The following GRM5 variants were observed in gnomAD, a reference collection of about 807,000 sequenced individuals.
GRM5 encodes the protein metabotropic glutamate receptor 5.
A neutral mutation model predicts 83.1 loss-of-function variants in GRM5; 19 were observed. The observed-to-expected ratio is 0.23, with a 90% confidence interval of 0.16 to 0.34. The LOEUF (loss-of-function observed/expected upper bound fraction) is 0.34. Among genes scored for constraint, GRM5 ranks in the 10% least tolerant of loss-of-function variants. The probability of loss-of-function intolerance (pLI) is 1.00; values close to 1 mark genes in which losing one functional copy is unlikely to be tolerated. For missense variants in GRM5, 1,160 were observed against 1,588.3 expected (o/e 0.73, Z 4.58); for synonymous variants, 675 against 633.6 (o/e 1.07, Z -0.98).
At position 88,646,353 on chromosome 11, in the gene GRM5, A is replaced by G. The variant is rs1255252941; in HGVS notation, c.1147+6815T>C. ...ATTCGACTTATAATTTAAGTTTTCC[A>G]TAACTGTGCCATTTAAGTAAAACAT... On this transcript the variant is annotated intron_variant, in intron 4 of 9. Transcript: ENST00000305447. Among the ~76,000 whole-genome samples, 7 of 101,202 alleles carry G rather than the reference A, an allele frequency of 6.9e-5. No individual in the cohort carries two copies. The Admixed American group carries it at 7.1e-4, about 10-fold the overall frequency. The allele number at this position is 101,202 out of a possible 152,430, so 66.4% of individuals were successfully genotyped here. A position where few individuals can be genotyped will look rare whatever the true frequency, so the allele number is the denominator to read the frequency against.
chr11:88,583,613 C>T (rs1428505425), intron 7 of GRM5, among the ~76,000 whole-genome samples: 1 of 152,170 alleles, frequency 6.6e-6, no homozygotes. Flanking sequence ...ATCTGGTAAG[C>T]CCCACCTGTA....
intron 2 of GRM5, among the ~76,000 whole-genome samples, chr11:88,896,498 T>A (rs1184572452): frequency 6.6e-6 from 1 of 151,546 alleles, no homozygotes; most frequent in East Asian, 2.0e-4. Context: ...CTATTATCTA[T>A]CTATCTGTCT....
At chr11:88,595,974 T>C (rs987990494) in intron 6 of GRM5, among the ~76,000 whole-genome samples, 1 of 152,204 alleles carries the variant, frequency 6.6e-6, no homozygotes, top group Non-Finnish European at 1.5e-5. Flanking sequence ...ATTCAATCAA[T>C]TCCTAAATCT....
chr11:88,687,574 TATATAATATA>T lies in GRM5; in HGVS notation c.912-34181_912-34172del, dbSNP rs1267096658. On this transcript the variant is annotated intron_variant, in intron 3 of 9. Transcript: ENST00000305447. Reference sequence around the variant, plus strand: ...CACACATATATATTATATATATATATATATAATATATATATATATATATTCTCCACATGTG... The same window carrying T: ...CACACATATATATTATATATATATATTATATATATATATTCTCCACATGTG... Among the ~76,000 whole-genome samples the T allele has an allele frequency of 1.5e-4, 5 of 33,658 alleles. 1 individual carries two copies. The highest frequency in any genetic ancestry group is 1.0e-3 in the African/African-American group (5 of 4,928). 22.1% of individuals were successfully genotyped at this position (33,658 alleles called of 152,430 possible).
At chr11:88,856,123 A>G (rs1207129296) in intron 2 of GRM5, among the ~76,000 whole-genome samples, 1 of 152,094 alleles carries the variant, frequency 6.6e-6, no homozygotes, top group African/African-American at 2.4e-5. Flanking sequence ...TCACAAGGAA[A>G]TTAAGATTCC....
At chr11:88,849,236 AT>A (rs915919260) in intron 3 of GRM5, among the ~76,000 whole-genome samples, 15 of 151,944 alleles carry the variant, frequency 9.9e-5, no homozygotes, top group African/African-American at 3.1e-4. Flanking sequence ...ATATATGCAT[AT>A]TTTTTATTAT....
intron 6 of GRM5, among the ~76,000 whole-genome samples, chr11:88,593,126 G>A (rs1937684738): frequency 6.6e-6 from 1 of 152,084 alleles, no homozygotes; most frequent in Admixed American, 6.5e-5. Flanking sequence ...ACCCAGCGGT[G>A]CTTTCTTTAT....
At chr11:88,698,370 T>A (rs1192050298) in intron 3 of GRM5, among the ~76,000 whole-genome samples, 3 of 152,204 alleles carry the variant, frequency 2.0e-5, no homozygotes, top group African/African-American at 7.2e-5. Flanking sequence ...TTGTTTCCTC[T>A]GCCTGAAATA....
intron 7 of GRM5, among the ~76,000 whole-genome samples, chr11:88,580,750 G>C (rs1412594736): frequency 6.6e-6 from 1 of 152,176 alleles, no homozygotes; most frequent in Non-Finnish European, 1.5e-5. Flanking sequence ...AGTAAGCTTA[G>C]TTCAACAAAT....
At chr11:88,523,562 C>CAA (rs1348679934) in intron 9 of GRM5, among the ~76,000 whole-genome samples, 3 of 152,110 alleles carry the variant, frequency 2.0e-5, no homozygotes, top group Admixed American at 2.0e-4. Flanking sequence ...CACTGAGATC[C>CAA]AAAGATAGCT....
chr11:88,793,473 G>T (rs1943216381), intron 3 of GRM5, among the ~76,000 whole-genome samples: 1 of 152,082 alleles, frequency 6.6e-6, no homozygotes, highest in Admixed American at 6.5e-5. Context: ...GTATCAATCT[G>T]GCATTTAAGA....
intron 9 of GRM5, among the ~76,000 whole-genome samples, chr11:88,513,193 A>C (rs185217983): frequency 6.6e-6 from 1 of 152,228 alleles, no homozygotes; most frequent in African/African-American, 2.4e-5. Context: ...CAGGCATATC[A>C]TAACTCTTTG....
At chr11:88,812,639 G>A (rs1943607431) in intron 3 of GRM5, among the ~76,000 whole-genome samples, 1 of 152,260 alleles carries the variant, frequency 6.6e-6, no homozygotes, top group South Asian at 2.1e-4. Context: ...TACTGTTGAT[G>A]TTAATATGGC....
At chr11:89,043,966 C>T (rs1941587341) in intron 2 of GRM5, among the ~76,000 whole-genome samples, 1 of 152,106 alleles carries the variant, frequency 6.6e-6, no homozygotes, top group South Asian at 2.1e-4. Context: ...AAGGCCAGTG[C>T]TACATGAAAG....
chr11:88,793,669 AT>A (rs1435101697), intron 3 of GRM5, among the ~76,000 whole-genome samples: 5 of 152,196 alleles, frequency 3.3e-5, no homozygotes, highest in African/African-American at 1.2e-4. Context: ...TCATTACATA[AT>A]TTTCCAGAAC....
chr11:88,777,999 A>T (rs957873110), intron 3 of GRM5, among the ~76,000 whole-genome samples: 1 of 151,342 alleles, frequency 6.6e-6, no homozygotes, highest in African/African-American at 2.4e-5. Flanking sequence ...GCTGTCAGAC[A>T]GGGACGTTTA....
At chr11:88,878,744 C>T (rs982877399) in intron 2 of GRM5, among the ~76,000 whole-genome samples, 2 of 152,098 alleles carry the variant, frequency 1.3e-5, no homozygotes, top group South Asian at 2.1e-4. Flanking sequence ...CAATGGAATA[C>T]TCATCATCAA....
At chr11:88,870,395 G>T (rs1944743835) in intron 2 of GRM5, among the ~76,000 whole-genome samples, 1 of 151,422 alleles carries the variant, frequency 6.6e-6, no homozygotes, top group Non-Finnish European at 1.5e-5. Context: ...CAAAAATGGT[G>T]TGTGAGAGAG....
intron 3 of GRM5, among the ~76,000 whole-genome samples, chr11:88,779,943 A>T (rs1429813722): frequency 6.6e-6 from 1 of 151,976 alleles, no homozygotes; most frequent in Non-Finnish European, 1.5e-5. Context: ...CTTGTTCACT[A>T]TGTTCCAGTC....
Sources: allele counts gnomAD v4.1 joint callset (sites outside exome capture counted in the v4.1 genomes callset), GRCh38; gene constraint gnomAD v4.1.1; transcripts MANE v1.5; gene names NCBI Gene and HGNC (gene_info 2026-07-23, HGNC 2026-07-21).